CD3E: variants seen among roughly 807,000 people sequenced by gnomAD.
CD3E encodes T-cell surface glycoprotein CD3 epsilon chain.
A neutral mutation model predicts 34.7 loss-of-function variants in CD3E; 16 were observed. The observed-to-expected ratio is 0.46, with a 90% CI of 0.31 to 0.70. The LOEUF is 0.70. CD3E is among the 30% of genes least tolerant of loss of function. The pLI is 0.05. For synonymous variants in CD3E, 70 were observed against 90.8 expected, an observed-to-expected ratio of 0.77 and a Z score of 1.30; for missense variants, 223 against 253.9, an observed-to-expected ratio of 0.88 and a Z score of 0.83.
intron 2 of CD3E, among the ~76,000 whole-genome samples, chr11:118,306,842 A>G (rs1478392713): frequency 6.6e-6 from 1 of 152,208 alleles, no homozygotes; most frequent in East Asian, 1.9e-4. Flanking sequence ...AGCAGAAAAC[A>G]AATGGAAAAA....
chr11:118,307,782 C>A (rs1948115705), intron 3 of CD3E, among the ~76,000 whole-genome samples: 1 of 152,176 alleles, frequency 6.6e-6, no homozygotes, highest in African/African-American at 2.4e-5. Context: ...AACTTACTCT[C>A]TCAACCACAG....
rs750436388 is a variant in CD3E at position 118,308,461 on chromosome 11, A to C, written c.85+20A>C. 5 of 1,547,024 alleles carry C rather than the reference A, an allele frequency of 3.2e-6. No individual in the cohort carries two copies. The South Asian group carries it at 5.6e-5, about 17-fold the overall frequency. The stretch of plus-strand genomic sequence containing the variant: ...AAATGGGTAAGAAGATTTCCACTCT[A>C]TCTAGCAAAAGTTTTCAAATATGGA... On this transcript the variant is annotated intron_variant, in intron 4 of 8. Coordinates refer to ENST00000361763, the MANE Select transcript of CD3E (RefSeq NM_000733.4).
chr11:118,309,883 C>T (rs1948126499), intron 4 of CD3E, among the ~76,000 whole-genome samples: 1 of 152,124 alleles, frequency 6.6e-6, no homozygotes, highest in Non-Finnish European at 1.5e-5. Context: ...TTTGGGAGGC[C>T]AAGGCAGGAG....
chr11:118,311,221 G>A (rs1436167622), intron 4 of CD3E, among the ~76,000 whole-genome samples: 1 of 152,168 alleles, frequency 6.6e-6, no homozygotes, highest in Non-Finnish European at 1.5e-5. Context: ...CTCTGTCCCT[G>A]ACAGCAGCAG....
intron 2 of CD3E, among the ~76,000 whole-genome samples, chr11:118,305,519 A>G (rs1190181533): frequency 6.6e-6 from 1 of 152,200 alleles, no homozygotes; most frequent in Non-Finnish European, 1.5e-5. Context: ...AATAACCAAG[A>G]GCATTTCTGT....
At chr11:118,307,106 CT>C (rs1414009305) in intron 2 of CD3E, among the ~76,000 whole-genome samples, 181 bp from the exon 3 acceptor site, 1 of 152,074 alleles carries the variant, frequency 6.6e-6, no homozygotes. Context: ...CTGGGAACCC[CT>C]GGTCAATACC....
chr11:118,312,351 T>G (rs1178947283), intron 5 of CD3E, 181 bp downstream of exon 5: 1 of 765,712 alleles, frequency 1.3e-6, no homozygotes, highest in East Asian at 2.5e-5. Context: ...TACATCCATC[T>G]TACCCTTCCC....
chr11:118,307,275 AT>A lies in CD3E; in HGVS notation c.50-10del. ...CATTTACTAACACTTTTTTTTTCTT[AT>A]TTATTTTCTAGTTGGCGTTTGGGGG... On this transcript the variant is annotated splice_polypyrimidine_tract_variant and intron_variant, in intron 2 of 8. Coordinates refer to ENST00000361763, the MANE Select transcript of CD3E (RefSeq NM_000733.4). 1.9e-6 allele frequency: 3 copies of A among 1,597,940 alleles called. No homozygotes were observed. Among genetic ancestry groups the A allele is most frequent in the Non-Finnish European group, 2.6e-6 (3 of 1,169,232 alleles).
At chr11:118,312,070 T>A in intron 4 of CD3E, 83 bp from the exon 5 acceptor site, 2 of 1,203,686 alleles carry the variant, frequency 1.7e-6, no homozygotes, top group East Asian at 2.3e-5. Flanking sequence ...GGGCAGTGTC[T>A]AATTCCACTA....
At position 118,312,843 on chromosome 11, in the gene CD3E, T is replaced by G. The variant is rs761427707; in HGVS notation, c.329T>G (p.Phe110Cys). Reference sequence around the variant, plus strand: ...GGAAGCAAACCAGAAGATGCGAACTTTTATCTCTACCTGAGGGCAAGAGGT... The same window carrying G: ...GGAAGCAAACCAGAAGATGCGAACTGTTATCTCTACCTGAGGGCAAGAGGT... ...PRGSKPEDAN[F>C]YLYLRARVCE... Residue 110 changes from phenylalanine to cysteine, a missense_variant, in exon 6 of 9, where the codon TTT becomes TGT. Physicochemically the swap from Phe to Cys is radical, Grantham distance 205 (BLOSUM62 -2). Transcript: ENST00000361763. 4 of 1,614,156 alleles carry G rather than the reference T, an allele frequency of 2.5e-6. No homozygotes were observed. In the South Asian group the frequency reaches 4.4e-5, roughly 18 times the overall value.
rs1221912963 is a variant in CD3E at position 118,315,637 on chromosome 11, G to C, written c.*95G>C. On this transcript the variant is annotated 3_prime_UTR_variant, in exon 9 of 9. Transcript: ENST00000361763. ...TGGGCTAGTCTTGGACCCCACGAGA[G>C]AGAATCGTTCCTCAGCCTCATGGTG... The C allele has an allele frequency of 1.4e-5, 16 of 1,104,166 alleles. No homozygotes were observed. Among genetic ancestry groups the C allele is most frequent in the African/African-American group, 3.1e-5 (2 of 64,594 alleles). The allele number at this position is 1,104,166 out of a possible 1,614,324, so 68.4% of individuals were successfully genotyped here. A position where few individuals can be genotyped will look rare whatever the true frequency, so the allele number is the denominator to read the frequency against.
At chr11:118,313,376 C>A (rs1011078561) in intron 6 of CD3E, 1 of 407,236 alleles carries the variant, frequency 2.5e-6, no homozygotes, top group Non-Finnish European at 4.6e-6. Flanking sequence ...CTCTCAACAA[C>A]TATATGGGTT....
At chr11:118,309,341 C>G (rs1490669242) in intron 4 of CD3E, among the ~76,000 whole-genome samples, 3 of 152,086 alleles carry the variant, frequency 2.0e-5, no homozygotes, top group Non-Finnish European at 4.4e-5. Context: ...TTTGAGAAGC[C>G]GAGGTGGGAG....
intron 8 of CD3E, among the ~76,000 whole-genome samples, 174 bp downstream of exon 8, chr11:118,314,668 T>G (rs1437825398): frequency 2.6e-5 from 4 of 152,062 alleles, no homozygotes; most frequent in Non-Finnish European, 2.9e-5. Flanking sequence ...AACAGGACTG[T>G]CTCAAAGGCT....
At chr11:118,313,977 T>G in intron 7 of CD3E, 103 bp downstream of exon 7, 1 of 1,096,776 alleles carries the variant, frequency 9.1e-7, no homozygotes, top group Non-Finnish European at 1.4e-6. Flanking sequence ...ACAGCTTCTC[T>G]AGAGCTTCTA....
At chr11:118,313,942 G>A in intron 7 of CD3E, 68 bp downstream of exon 7, 24 of 1,538,456 alleles carry the variant, frequency 1.6e-5, no homozygotes, top group Non-Finnish European at 2.1e-5. Flanking sequence ...GCCAGGGTGG[G>A]TGGCAAGTCC....
chr11:118,314,135 C>T (rs546344680), intron 7 of CD3E, among the ~76,000 whole-genome samples: 2 of 152,286 alleles, frequency 1.3e-5, no homozygotes, highest in South Asian at 2.1e-4. Flanking sequence ...TGCAGTCATC[C>T]GATTCCGCCC....
chr11:118,315,911 T>C lies in CD3E; in HGVS notation c.*369T>C. On this transcript the variant is annotated 3_prime_UTR_variant, in exon 9 of 9. Coordinates refer to ENST00000361763, the MANE Select transcript of CD3E (RefSeq NM_000733.4). ...GTCCCCCATCCCAAAGTATTCCATC[T>C]ACTTTTCTATCGCCGTCCCCTTTTG... The C allele has an allele frequency of 2.7e-6, 1 of 363,942 alleles. No homozygotes were observed. The highest frequency in any genetic ancestry group is 5.1e-6 in the Non-Finnish European group (1 of 194,190). 22.5% of individuals were successfully genotyped at this position (363,942 alleles called of 1,614,324 possible). A position where few individuals can be genotyped will look rare whatever the true frequency, so the allele number is the denominator to read the frequency against.
At chr11:118,307,684 T>C (rs775027143) in intron 3 of CD3E, among the ~76,000 whole-genome samples, 5 of 152,192 alleles carry the variant, frequency 3.3e-5, no homozygotes, top group Non-Finnish European at 7.3e-5. Context: ...TGGATGTGTG[T>C]TCAGAATCAC....
Sources: allele counts gnomAD v4.1 joint callset (sites outside exome capture counted in the v4.1 genomes callset), GRCh38; gene constraint gnomAD v4.1.1; transcripts MANE v1.5; gene names NCBI Gene and HGNC (gene_info 2026-07-23, HGNC 2026-07-21).